Variants in CDHR3 observed in about 807,000 individuals in gnomAD.
CDHR3 encodes the protein cadherin-related family member 3.
In CDHR3, 79 loss-of-function variants were observed where a neutral mutation model predicts 86.6. That is an observed-to-expected ratio of 0.91 (90% CI 0.76 to 1.10). CDHR3 has a LOEUF of 1.10. CDHR3 is among the 50% of genes least tolerant of loss of function. The pLI is 0.00. For synonymous variants in CDHR3, 421 were observed against 402.4 expected (o/e 1.05, Z -0.55); for missense variants, 1,081 against 1,077.6 (o/e 1.00, Z -0.04).
chr7:105,982,033 C>T (rs1829818204), intron 3 of CDHR3, among the ~76,000 whole-genome samples: 1 of 110,652 alleles, frequency 9.0e-6, no homozygotes, highest in South Asian at 2.8e-4. Flanking sequence ...CAATGGCTGG[C>T]AGCTGGCCTC....
At chr7:106,019,618 C>T (rs1007081207) in intron 12 of CDHR3, among the ~76,000 whole-genome samples, 2 of 152,170 alleles carry the variant, frequency 1.3e-5, no homozygotes, top group African/African-American at 2.4e-5. Flanking sequence ...GCATCCCAGG[C>T]TATATTCCAA....
At chr7:105,983,504 C>T (rs988735828) in intron 3 of CDHR3, among the ~76,000 whole-genome samples, 5 of 152,270 alleles carry the variant, frequency 3.3e-5, no homozygotes, top group Non-Finnish European at 5.9e-5. Flanking sequence ...GTCCTCAGCA[C>T]GGTGCCCCCC....
chr7:105,963,533 C>T (rs978189442), intron 1 of CDHR3, among the ~76,000 whole-genome samples, 169 bp downstream of exon 1: 1 of 152,120 alleles, frequency 6.6e-6, no homozygotes, highest in Non-Finnish European at 1.5e-5. Context: ...CCTGGGGGAC[C>T]AGGTAGGAGC....
chr7:106,036,060 G>A lies in CDHR3; in HGVS notation c.*3363G>A, dbSNP rs572688402. The A allele has an allele frequency of 6.6e-6, 1 of 152,152 alleles. No homozygotes were observed. Among genetic ancestry groups the A allele is most frequent in the Admixed American group, 6.5e-5 (1 of 15,280 alleles). 9.4% of individuals were successfully genotyped at this position (152,152 alleles called of 1,614,324 possible). On this transcript the variant is annotated 3_prime_UTR_variant, in exon 19 of 19. Coordinates refer to ENST00000317716, the MANE Select transcript of CDHR3 (RefSeq NM_152750.5). ...TTCATTATAAAACTGGGGTAAATACGTTCAGGAATTAGACCACGTAACAAT... is the reference window on the plus strand; with the variant it reads ...TTCATTATAAAACTGGGGTAAATACATTCAGGAATTAGACCACGTAACAAT...
chr7:106,028,655 G>T (rs1271036373), intron 17 of CDHR3, 73 bp downstream of exon 17: 9 of 1,509,330 alleles, frequency 6.0e-6, no homozygotes, highest in Non-Finnish European at 7.3e-6. Flanking sequence ...CCGAAGGCAG[G>T]CCTGCCACAG....
chr7:105,989,952 T>C (rs532588274), intron 4 of CDHR3, among the ~76,000 whole-genome samples: 187 of 152,274 alleles, frequency 1.2e-3, no homozygotes, highest in Admixed American at 2.9e-3. Flanking sequence ...CCACCTGAAG[T>C]CTTAGCAAAA....
chr7:106,006,948 C>T (rs1195375592), intron 8 of CDHR3, among the ~76,000 whole-genome samples: 1 of 152,230 alleles, frequency 6.6e-6, no homozygotes, highest in African/African-American at 2.4e-5. Flanking sequence ...CAAACTTCTG[C>T]CTGGGCATCC....
At chr7:106,014,629 C>T (rs1195746895) in intron 9 of CDHR3, among the ~76,000 whole-genome samples, 2 of 152,066 alleles carry the variant, frequency 1.3e-5, no homozygotes, top group African/African-American at 4.8e-5. Context: ...GGACCCCTAT[C>T]TCTAAAAAAC....
chr7:106,009,329 C>T (rs1834410916), intron 8 of CDHR3, among the ~76,000 whole-genome samples: 8 of 152,150 alleles, frequency 5.3e-5, no homozygotes, highest in Admixed American at 5.2e-4. Context: ...GCCTCGCGTC[C>T]CAAGGCTGCA....
At chr7:105,996,087 A>G (rs1013564039) in intron 5 of CDHR3, among the ~76,000 whole-genome samples, 163 bp from the exon 6 acceptor site, 1 of 152,096 alleles carries the variant, frequency 6.6e-6, no homozygotes, top group African/African-American at 2.4e-5. Context: ...GGGGGGAGAA[A>G]GGTCACCCTG....
At chr7:106,026,650 T>A (rs1156954154) in intron 15 of CDHR3, 32 bp from the exon 16 acceptor site, 1 of 1,612,692 alleles carries the variant, frequency 6.2e-7, no homozygotes, top group African/African-American at 1.3e-5. Context: ...TACTTTCAAG[T>A]GAATTAATAG....
At chr7:105,968,551 G>A (rs1827351156) in intron 1 of CDHR3, among the ~76,000 whole-genome samples, 1 of 151,864 alleles carries the variant, frequency 6.6e-6, no homozygotes, top group South Asian at 2.1e-4. Context: ...AATAGAGGTG[G>A]GGTTTCACCA....
At chr7:105,986,676 A>T (rs759986754) in intron 4 of CDHR3, among the ~76,000 whole-genome samples, 2 of 152,120 alleles carry the variant, frequency 1.3e-5, no homozygotes, top group Non-Finnish European at 2.9e-5. Flanking sequence ...GGTATGACAT[A>T]AAGGTAATAA....
chr7:105,997,662 C>A (rs970923708), intron 6 of CDHR3, among the ~76,000 whole-genome samples: 4 of 152,138 alleles, frequency 2.6e-5, no homozygotes, highest in Non-Finnish European at 5.9e-5. Flanking sequence ...ACACCTTCCC[C>A]ACAAGTCCCA....
chr7:105,989,746 GGGGTCA>G lies in CDHR3; in HGVS notation c.514-5002_514-4997del, dbSNP rs1326666238. Among the ~76,000 whole-genome samples, 3 of 152,140 alleles carry G rather than the reference GGGGTCA, an allele frequency of 2.0e-5. No homozygotes were observed. The East Asian group carries it at 5.8e-4, about 29-fold the overall frequency. ...ATTTCTGGATGAGGGAGGGAACTGA[GGGGTCA>G]GGTAACTCCAGTGAGAACCCAGGTC... On this transcript the variant is annotated intron_variant, in intron 4 of 18. Transcript: ENST00000317716.
intron 8 of CDHR3, among the ~76,000 whole-genome samples, chr7:106,005,687 A>G (rs956788883): frequency 1.3e-5 from 2 of 152,226 alleles, no homozygotes; most frequent in East Asian, 3.8e-4. Context: ...GCAGAGGACA[A>G]AGGACCCTAG....
intron 8 of CDHR3, among the ~76,000 whole-genome samples, chr7:106,011,572 G>A (rs529788120): frequency 6.6e-6 from 1 of 152,258 alleles, no homozygotes; most frequent in South Asian, 2.1e-4. Context: ...CGAAAGGACT[G>A]TGGGAAAACC....
rs1031052496 is a variant in CDHR3 at position 106,032,462 on chromosome 7, T to A, written c.2423T>A (p.Met808Lys). 2 of 1,613,670 alleles carry A rather than the reference T, an allele frequency of 1.2e-6. No individual in the cohort carries two copies. Among genetic ancestry groups the A allele is most frequent in the African/African-American group, 2.7e-5 (2 of 74,878 alleles). Reference protein sequence around the residue: ...ARKWKDPLTQMPKWKESSHQG... With the variant: ...ARKWKDPLTQKPKWKESSHQG... The stretch of plus-strand genomic sequence containing the variant: ...AAGTGGAAAGATCCACTAACCCAAA[T>A]GCCAAAATGGAAAGAGTCCAGCCAC... Residue 808 changes from methionine to lysine, a missense_variant, in exon 19 of 19, where the codon ATG becomes AAG. By Grantham distance (95) the Met-to-Lys change is moderately conservative. Coordinates refer to ENST00000317716, the MANE Select transcript of CDHR3 (RefSeq NM_152750.5).
chr7:106,024,396 C>T lies in CDHR3; in HGVS notation c.2092C>T (p.Gln698Ter). The T allele has an allele frequency of 6.2e-7, 1 of 1,613,972 alleles. No individual in the cohort carries two copies. The highest frequency in any genetic ancestry group is 8.5e-7 in the Non-Finnish European group (1 of 1,179,850). The change falls in exon 15 of 19, where the codon CAG becomes TAG. Residue 698 changes from glutamine to a stop codon, truncating the protein, a stop_gained. Coordinates refer to ENST00000317716, the MANE Select transcript of CDHR3 (RefSeq NM_152750.5). LOFTEE classifies it high-confidence loss of function. Reference protein sequence around the residue: ...TTTPRPRVTYQVLRKNVYSPS... With the variant: ...TTTPRPRVTY ...GTTGTTCAAGCCCAGGGTCACCTAT[C>T]AGGTCCTGAGGAAAAACGTTTACTC...
Sources: gnomAD v4.1 joint callset for allele counts (sites outside exome capture counted in the v4.1 genomes callset) on GRCh38, gnomAD v4.1.1 for gene constraint, MANE v1.5 for transcripts, NCBI Gene and HGNC (gene_info 2026-07-23, HGNC 2026-07-21) for gene names.